Variants in FNDC7 observed in about 807,000 individuals in gnomAD.
FNDC7 encodes fibronectin type III domain containing 7.
FNDC7 carries 66 observed loss-of-function variants against 74.2 expected under a neutral mutation model. That is an observed-to-expected ratio of 0.89 (90% CI 0.73 to 1.09). The LOEUF (loss-of-function observed/expected upper bound fraction) is 1.09. Among genes scored for constraint, FNDC7 ranks in the 50% least tolerant of loss-of-function variants. The pLI, the probability that FNDC7 is intolerant of heterozygous loss-of-function variation, is 0.00. For missense variants in FNDC7, 829 were observed against 893.4 expected, an observed-to-expected ratio of 0.93 and a Z score of 0.92; for synonymous variants, 307 against 330.2, an observed-to-expected ratio of 0.93 and a Z score of 0.76.
At chr1:108,715,677 A>G (rs990311297) in intron 2 of FNDC7, among the ~76,000 whole-genome samples, 6 of 151,920 alleles carry the variant, frequency 3.9e-5, no homozygotes, top group African/African-American at 1.5e-4. Context: ...GCGCGCACAC[A>G]CACACACACA....
At chr1:108,715,664 C>CGT (rs749647168) in intron 2 of FNDC7, among the ~76,000 whole-genome samples, 668 of 46,092 alleles carry the variant, frequency 0.014, 1 homozygote, top group East Asian at 0.036. Flanking sequence ...CGCGTGCGTG[C>CGT]GCGCGCGCAC....
chr1:108,717,760 T>C lies in FNDC7; in HGVS notation c.83-17T>C. On this transcript the variant is annotated splice_polypyrimidine_tract_variant and intron_variant, in intron 2 of 12. Coordinates refer to ENST00000370017, the MANE Select transcript of FNDC7 (RefSeq NM_001144937.3). ...GTAGGTATCTTGGCTAATGTACAAC[T>C]CTAAAACCTCTTTCAGCTCCTGAAA... 6.4e-7 allele frequency: 1 copy of C among 1,551,220 alleles called. No individual in the cohort carries two copies. Among genetic ancestry groups the C allele is most frequent in the African/African-American group, 1.4e-5 (1 of 73,168 alleles).
chr1:108,723,135 A>G (rs1451714087), intron 5 of FNDC7, among the ~76,000 whole-genome samples: 2 of 152,228 alleles, frequency 1.3e-5, no homozygotes, highest in East Asian at 1.9e-4. Context: ...ACTAACACTT[A>G]ATGAAACTAA....
intron 4 of FNDC7, 146 bp from the exon 5 acceptor site, chr1:108,722,189 T>C: frequency 1.3e-6 from 1 of 780,742 alleles, no homozygotes; most frequent in South Asian, 2.2e-5. Flanking sequence ...CCAGGCATCA[T>C]CCTAAATCCC....
At chr1:108,736,456 A>G (rs1172985716) in intron 10 of FNDC7, among the ~76,000 whole-genome samples, 1 of 152,158 alleles carries the variant, frequency 6.6e-6, no homozygotes, top group Non-Finnish European at 1.5e-5. Context: ...CTAATAAATG[A>G]TTATCTATTT....
chr1:108,717,412 T>G (rs914807), intron 2 of FNDC7, among the ~76,000 whole-genome samples: 1 of 152,046 alleles, frequency 6.6e-6, no homozygotes, highest in Non-Finnish European at 1.5e-5. Context: ...GAATGCCCAA[T>G]TGGAGTAGAA....
intron 9 of FNDC7, among the ~76,000 whole-genome samples, chr1:108,732,935 ATTT>A (rs370493264): frequency 7.4e-6 from 1 of 134,872 alleles, no homozygotes; most frequent in Admixed American, 7.4e-5. Context: ...CAACTGGCTA[ATTT>A]TTTTTTTTTT....
intron 10 of FNDC7, chr1:108,734,431 A>C (rs1661462777): frequency 6.6e-6 from 1 of 152,244 alleles, no homozygotes; most frequent in South Asian, 2.1e-4. Context: ...TACCTTGCCC[A>C]GGGCACAGTC....
chr1:108,715,655 G>A (rs3006867), intron 2 of FNDC7, among the ~76,000 whole-genome samples: 83,029 of 144,612 alleles, frequency 0.57, 25,146 homozygotes, highest in East Asian at 0.8. Flanking sequence ...ACAAACATGC[G>A]CGTGCGTGCG....
chr1:108,741,226 T>C (rs1369199757), intron 11 of FNDC7, among the ~76,000 whole-genome samples: 1 of 152,056 alleles, frequency 6.6e-6, no homozygotes, highest in Non-Finnish European at 1.5e-5. Context: ...AAAAACCTAT[T>C]TGAGGTGATA....
intron 11 of FNDC7, among the ~76,000 whole-genome samples, chr1:108,741,165 A>C (rs1661634597): frequency 6.6e-6 from 1 of 152,224 alleles, no homozygotes; most frequent in African/African-American, 2.4e-5. Context: ...TAATTCAAGA[A>C]AGCTATTTCA....
chr1:108,728,235 G>A (rs1030351889), intron 7 of FNDC7, among the ~76,000 whole-genome samples, 170 bp downstream of exon 7: 1 of 152,178 alleles, frequency 6.6e-6, no homozygotes, highest in Non-Finnish European at 1.5e-5. Context: ...GGAGAAGGCA[G>A]AAGAGGAAAG....
At chr1:108,713,396 T>G in intron 1 of FNDC7, 115 bp from the exon 2 acceptor site, 1 of 846,864 alleles carries the variant, frequency 1.2e-6, no homozygotes, top group Non-Finnish European at 1.9e-6. Flanking sequence ...GAAAGACTGC[T>G]CACGTTAGAT....
chr1:108,716,547 C>T (rs1660980307), intron 2 of FNDC7, among the ~76,000 whole-genome samples: 1 of 152,072 alleles, frequency 6.6e-6, no homozygotes, highest in Non-Finnish European at 1.5e-5. Flanking sequence ...AAGAGACTAT[C>T]CTGGGTGATG....
chr1:108,740,547 T>G (rs762693456), intron 11 of FNDC7, among the ~76,000 whole-genome samples: 1 of 152,178 alleles, frequency 6.6e-6, no homozygotes, highest in Non-Finnish European at 1.5e-5. Context: ...AGGCTGGTCT[T>G]GAACTCCTAG....
intron 9 of FNDC7, among the ~76,000 whole-genome samples, chr1:108,732,962 CAGGGT>C (rs1438630900): frequency 1.4e-5 from 2 of 138,336 alleles, no homozygotes; most frequent in Non-Finnish European, 3.1e-5. Context: ...TTTGTAGAGT[CAGGGT>C]CTCCCTATGT....
intron 10 of FNDC7, among the ~76,000 whole-genome samples, chr1:108,737,221 T>A (rs1661536236): frequency 6.6e-6 from 1 of 152,140 alleles, no homozygotes; most frequent in African/African-American, 2.4e-5. Context: ...TCTGCCCACC[T>A]GGGCCTCCCA....
At chr1:108,714,754 C>T (rs976279827) in intron 2 of FNDC7, among the ~76,000 whole-genome samples, 2 of 151,848 alleles carry the variant, frequency 1.3e-5, no homozygotes, top group Non-Finnish European at 2.9e-5. Context: ...TACAGGCACC[C>T]GCCACTACCC....
chr1:108,718,002 A>G lies in FNDC7; in HGVS notation c.308A>G (p.Gln103Arg), dbSNP rs749676002. Reference protein sequence around the residue: ...IRSISAAGRSQASPPKQAKTV... With the variant: ...IRSISAAGRSRASPPKQAKTV... ...TCCATCAGCGCTGCTGGGAGAAGCC[A>G]GGCGTCACCTCCAAAGCAGGCAAAG... Residue 103 changes from glutamine to arginine, a missense_variant, in exon 3 of 13, where the codon CAG (glutamine) becomes CGG (arginine). Physicochemically the swap from Gln to Arg is conservative, Grantham distance 43. Transcript: ENST00000370017. 6 of 1,551,722 alleles carry G rather than the reference A, an allele frequency of 3.9e-6. No individual in the cohort carries two copies. The South Asian group carries it at 7.1e-5, about 18-fold the overall frequency.
Sources: allele counts gnomAD v4.1 joint callset (sites outside exome capture counted in the v4.1 genomes callset), GRCh38; gene constraint gnomAD v4.1.1; transcripts MANE v1.5; gene names NCBI Gene and HGNC (gene_info 2026-07-23, HGNC 2026-07-21).